OIT3: variants seen among roughly 807,000 people sequenced by gnomAD.
OIT3 encodes the protein oncoprotein induced transcript 3, also known as oncoprotein-induced transcript 3 protein.
OIT3 carries 41 observed loss-of-function variants against 52.2 expected under a neutral mutation model. That is an observed-to-expected ratio of 0.79 (90% CI 0.61 to 1.02). The LOEUF is 1.02. OIT3 is among the 50% of genes least tolerant of loss of function. The pLI, the probability that OIT3 is intolerant of heterozygous loss-of-function variation, is 0.00. For missense variants in OIT3, 634 were observed against 715.5 expected (o/e 0.89, Z 1.30); for synonymous variants, 244 against 276.9 (o/e 0.88, Z 1.18).
At position 72,932,957 on chromosome 10, in the gene OIT3, T is replaced by C. The variant is rs968270229; in HGVS notation, c.*433T>C. The C allele has an allele frequency of 2.6e-5, 4 of 156,570 alleles. No homozygotes were observed. Among genetic ancestry groups the C allele is most frequent in the African/African-American group, 9.6e-5 (4 of 41,648 alleles). 9.7% of individuals were successfully genotyped at this position (156,570 alleles called of 1,614,324 possible). On this transcript the variant is annotated 3_prime_UTR_variant, in exon 9 of 9. Transcript: ENST00000334011. ...TAAATATGTAAATTATAGTTATACC[T>C]TGAAATTTCAATTCAAATGCAGACT...
At chr10:72,897,480 T>A (rs1341338303) in intron 1 of OIT3, among the ~76,000 whole-genome samples, 1 of 152,246 alleles carries the variant, frequency 6.6e-6, no homozygotes, top group African/African-American at 2.4e-5. Flanking sequence ...TACACAAAGT[T>A]CTTGGTATTT....
chr10:72,905,048 C>T (rs192372768), intron 3 of OIT3, among the ~76,000 whole-genome samples: 34 of 152,206 alleles, frequency 2.2e-4, no homozygotes, highest in African/African-American at 5.5e-4. Flanking sequence ...CTTTTAAACA[C>T]GCTGAAACTA....
chr10:72,900,909 A>C (rs1845926101), intron 3 of OIT3, among the ~76,000 whole-genome samples: 1 of 152,094 alleles, frequency 6.6e-6, no homozygotes, highest in Non-Finnish European at 1.5e-5. Flanking sequence ...CTCTACAAAA[A>C]ATATGAAAAT....
At chr10:72,900,902 T>C (rs2132925951) in intron 3 of OIT3, among the ~76,000 whole-genome samples, 1 of 152,240 alleles carries the variant, frequency 6.6e-6, no homozygotes, top group South Asian at 2.1e-4. Context: ...AACTCATCTC[T>C]ACAAAAAATA....
In OIT3 at chr10:72,918,372, TC is replaced by T. The variant is rs538382455; in HGVS notation, c.951+4906del. ...CTCTGCTTCAACAATGTGCAATTCGTCCTTTGCACCAGCCCTTAAACTGACT... is the reference window on the plus strand; with the variant it reads ...CTCTGCTTCAACAATGTGCAATTCGTCTTTGCACCAGCCCTTAAACTGACT... On this transcript the variant is annotated intron_variant, in intron 6 of 8. Transcript: ENST00000334011. 61 of 770,530 alleles carry T rather than the reference TC, an allele frequency of 7.9e-5. No individual in the cohort carries two copies. In the African/African-American group the frequency reaches 1.0e-3, roughly 13 times the overall value. The allele number at this position is 770,530 out of a possible 1,614,324, so 47.7% of individuals were successfully genotyped here.
rs1263981720 is a variant in OIT3 at position 72,902,324 on chromosome 10, A to G, written c.544+1840A>G. ...TGCATTTCTTTGCTTTTGTTTTAAT[A>G]TAACTTTTGAAGAGGTAATACGTTT... On this transcript the variant is annotated intron_variant, in intron 3 of 8. Coordinates refer to ENST00000334011, the MANE Select transcript of OIT3 (RefSeq NM_152635.3). Among the ~76,000 whole-genome samples, 6 of 152,284 alleles carry G rather than the reference A, an allele frequency of 3.9e-5. No homozygotes were observed. The East Asian group carries it at 7.7e-4, about 20-fold the overall frequency.
In OIT3 at chr10:72,906,641, G is replaced by A. The variant is rs775068786; in HGVS notation, c.590G>A (p.Cys197Tyr). Residue 197 changes from cysteine to tyrosine, a missense_variant, in exon 4 of 9, where the codon TGT becomes TAT. Coordinates refer to ENST00000334011, the MANE Select transcript of OIT3 (RefSeq NM_152635.3). ...AACAACGGTGGCTGCAGTGAGATCT[G>A]TGTGAACCTCAAAAACTCCTACCGC... ...EQNNGGCSEI[C>Y]VNLKNSYRCE... 10 of 1,613,558 alleles carry A rather than the reference G, an allele frequency of 6.2e-6. No individual in the cohort carries two copies. In the South Asian group the frequency reaches 9.9e-5, roughly 16 times the overall value.
intron 3 of OIT3, among the ~76,000 whole-genome samples, chr10:72,904,820 A>G (rs1256102625): frequency 2.6e-5 from 4 of 152,220 alleles, no homozygotes; most frequent in South Asian, 2.1e-4. Context: ...GTCATCTGGT[A>G]TCTTTGTTTA....
chr10:72,930,488 C>T (rs371598858), intron 7 of OIT3, 50 bp from the exon 8 acceptor site: 1 of 1,363,378 alleles, frequency 7.3e-7, no homozygotes, highest in Non-Finnish European at 1.0e-6. Flanking sequence ...ATTGTTTTTC[C>T]ACCTCTGTTG....
At chr10:72,918,610 C>G in intron 6 of OIT3, 1 of 740,402 alleles carries the variant, frequency 1.4e-6, no homozygotes, top group East Asian at 2.5e-5. Context: ...AACAGCCGCA[C>G]AGGACAGAAT....
chr10:72,921,261 C>A (rs1846118771), intron 6 of OIT3, among the ~76,000 whole-genome samples: 1 of 152,134 alleles, frequency 6.6e-6, no homozygotes, highest in Non-Finnish European at 1.5e-5. Context: ...TTCCTGTTTT[C>A]CATGTGCTTG....
intron 6 of OIT3, chr10:72,918,624 A>C (rs1241361751): frequency 7.3e-6 from 5 of 688,800 alleles, no homozygotes; most frequent in Non-Finnish European, 1.3e-5. Context: ...ACAGAATCAC[A>C]CCAGGGTACA....
chr10:72,910,609 C>T lies in OIT3; in HGVS notation c.668-1108C>T, dbSNP rs16930164. ...TTTCTCTACATACATTTCACAAAAA[C>T]TAATTCATGTTCCAAATAACTGCTT... is the stretch of plus-strand genomic sequence containing the variant. On this transcript the variant is annotated intron_variant, in intron 4 of 8. Transcript: ENST00000334011. Among the ~76,000 whole-genome samples the T allele has an allele frequency of 2.4e-3, 368 of 152,316 alleles. 3 individuals carry two copies. The East Asian group carries it at 0.031, about 13-fold the overall frequency.
intron 6 of OIT3, chr10:72,918,377 T>C: frequency 1.3e-6 from 1 of 771,870 alleles, no homozygotes. Context: ...ATTCGTCCTT[T>C]GCACCAGCCC....
chr10:72,916,189 G>C lies in OIT3; in HGVS notation c.951+2721G>C, dbSNP rs1589526690. Among the ~76,000 whole-genome samples, 2 of 152,134 alleles carry C rather than the reference G, an allele frequency of 1.3e-5. 1 individual carries two copies. The highest frequency in any genetic ancestry group is 4.2e-4 in the South Asian group (2 of 4,814). Reference sequence around the variant, plus strand: ...ATTTTTATTTTTATTTTAAGTTCAGGGGTACATGTGCAGCATGTGCAGGTT... The same window carrying C: ...ATTTTTATTTTTATTTTAAGTTCAGCGGTACATGTGCAGCATGTGCAGGTT... On this transcript the variant is annotated intron_variant, in intron 6 of 8. Coordinates refer to ENST00000334011, the MANE Select transcript of OIT3 (RefSeq NM_152635.3).
At chr10:72,923,485 G>C in intron 6 of OIT3, among the ~76,000 whole-genome samples, 1 of 152,152 alleles carries the variant, frequency 6.6e-6, no homozygotes, top group East Asian at 1.9e-4. Flanking sequence ...TGCTTTCATA[G>C]AGCAACTGAA....
intron 1 of OIT3, among the ~76,000 whole-genome samples, chr10:72,896,796 C>G (rs1845878789): frequency 6.6e-6 from 1 of 152,120 alleles, no homozygotes; most frequent in Admixed American, 6.6e-5. Context: ...AATTTCCTGC[C>G]TATGATATCA....
chr10:72,918,257 T>A, intron 6 of OIT3: 1 of 806,220 alleles, frequency 1.2e-6, no homozygotes, highest in Non-Finnish European at 2.2e-6. Flanking sequence ...GGGGTGTTAT[T>A]TCAAAGCCCC....
intron 6 of OIT3, 90 bp from the exon 7 acceptor site, chr10:72,924,139 A>G (rs1846145205): frequency 2.0e-5 from 23 of 1,127,122 alleles, no homozygotes; most frequent in Middle Eastern, 2.1e-4. Flanking sequence ...GTTTTGAGGT[A>G]GATAGAATGT....
Sources: gnomAD v4.1 joint callset for allele counts (sites outside exome capture counted in the v4.1 genomes callset) on GRCh38, gnomAD v4.1.1 for gene constraint, MANE v1.5 for transcripts, NCBI Gene and HGNC (gene_info 2026-07-23, HGNC 2026-07-21) for gene names.